Variants in DCHS2 observed in about 807,000 individuals in gnomAD.
DCHS2 encodes the protein protocadherin-23.
Under a neutral mutation model 182.4 loss-of-function variants are expected in DCHS2, and 142 were observed. That is an observed-to-expected ratio of 0.78 (90% CI 0.68 to 0.89). The LOEUF (loss-of-function observed/expected upper bound fraction) is 0.89, where lower values mean the gene tolerates loss of function less well. Among genes scored for constraint, DCHS2 ranks in the 40% least tolerant of loss-of-function variants. The pLI is 0.00. For missense variants in DCHS2, 4,319 were observed against 4,198.6 expected, an observed-to-expected ratio of 1.03 and a Z score of -0.79; for synonymous variants, 1,740 against 1,663.3, an observed-to-expected ratio of 1.05 and a Z score of -1.12.
intron 1 of DCHS2, among the ~76,000 whole-genome samples, chr4:154,427,712 G>T (rs1010936771): frequency 1.3e-5 from 2 of 152,206 alleles, no homozygotes; most frequent in African/African-American, 4.8e-5. Context: ...AGACAGAGGT[G>T]ATAGTGTCCT....
At chr4:154,237,632 TAGAG>T (rs1243355912) in intron 19 of DCHS2, 2 of 152,772 alleles carry the variant, frequency 1.3e-5, no homozygotes, top group African/African-American at 4.8e-5. Context: ...ATTGCTTAAT[TAGAG>T]AGATGGGCTT....
chr4:154,237,264 T>C, intron 19 of DCHS2, 105 bp from the exon 20 acceptor site: 1 of 1,385,994 alleles, frequency 7.2e-7, no homozygotes, highest in Non-Finnish European at 9.5e-7. Flanking sequence ...TTTAATTCTT[T>C]GTTAGATCTG....
intron 14 of DCHS2, among the ~76,000 whole-genome samples, chr4:154,268,525 C>T (rs980632152): frequency 6.6e-6 from 1 of 152,140 alleles, no homozygotes; most frequent in Non-Finnish European, 1.5e-5. Context: ...AAATTTAAAA[C>T]ATATGAATTG....
intron 9 of DCHS2, among the ~76,000 whole-genome samples, chr4:154,317,081 C>T (rs1016986345): frequency 6.6e-6 from 1 of 152,074 alleles, no homozygotes; most frequent in African/African-American, 2.4e-5. Flanking sequence ...CAGCCATAGC[C>T]ACAAAAAACT....
At chr4:154,323,899 C>G (rs1736179691) in intron 7 of DCHS2, among the ~76,000 whole-genome samples, 1 of 150,258 alleles carries the variant, frequency 6.7e-6, no homozygotes, top group South Asian at 2.1e-4. Context: ...AAAGCTGAAA[C>G]ACTTCTGGTC....
At chr4:154,357,223 A>C in intron 3 of DCHS2, 1 of 1,602,024 alleles carries the variant, frequency 6.2e-7, no homozygotes, top group South Asian at 1.1e-5. Context: ...CTCTACTTGA[A>C]GTGCCTTAGC....
chr4:154,247,019 C>A (rs1453741642), intron 16 of DCHS2, among the ~76,000 whole-genome samples: 11 of 152,002 alleles, frequency 7.2e-5, no homozygotes, highest in Admixed American at 7.2e-4. Flanking sequence ...TTCAATAATA[C>A]AAGAAAATTA....
At chr4:154,476,105 G>A (rs1389794540) in intron 1 of DCHS2, among the ~76,000 whole-genome samples, 1 of 152,104 alleles carries the variant, frequency 6.6e-6, no homozygotes, top group Non-Finnish European at 1.5e-5. Flanking sequence ...TTTCAAACTA[G>A]AGAACAGAAT....
intron 7 of DCHS2, 142 bp downstream of exon 7, chr4:154,327,947 TTTTG>T: frequency 2.2e-6 from 1 of 460,608 alleles, no homozygotes; most frequent in East Asian, 3.5e-5. Context: ...AGCAAATGTA[TTTTG>T]TTTGTAACTT....
At chr4:154,414,082 T>G (rs764117121) in intron 1 of DCHS2, among the ~76,000 whole-genome samples, 12 of 152,174 alleles carry the variant, frequency 7.9e-5, no homozygotes, top group Admixed American at 2.6e-4. Context: ...CAGGCCTTTT[T>G]TCTTATTCAC....
chr4:154,397,234 A>G (rs1373212174), intron 1 of DCHS2, among the ~76,000 whole-genome samples: 1 of 152,208 alleles, frequency 6.6e-6, no homozygotes, highest in Admixed American at 6.5e-5. Context: ...TTATCAGGCT[A>G]AACAGATTCT....
At chr4:154,390,149 T>C (rs1218676399) in intron 1 of DCHS2, among the ~76,000 whole-genome samples, 1 of 151,488 alleles carries the variant, frequency 6.6e-6, no homozygotes, top group Non-Finnish European at 1.5e-5. Context: ...AGTTTTAGGG[T>C]ACATGTGCAC....
intron 3 of DCHS2, among the ~76,000 whole-genome samples, chr4:154,338,300 AAGG>A (rs965678739): frequency 6.6e-6 from 1 of 152,232 alleles, no homozygotes; most frequent in African/African-American, 2.4e-5. Flanking sequence ...TACTATACAT[AAGG>A]AGAAGAGAGA....
At chr4:154,439,464 C>A (rs1733911411) in intron 1 of DCHS2, among the ~76,000 whole-genome samples, 1 of 152,158 alleles carries the variant, frequency 6.6e-6, no homozygotes, top group African/African-American at 2.4e-5. Flanking sequence ...TAATATTACA[C>A]TGAAGAACTG....
chr4:154,357,943 C>T (rs1729949370), intron 3 of DCHS2, among the ~76,000 whole-genome samples: 1 of 152,184 alleles, frequency 6.6e-6, no homozygotes, highest in African/African-American at 2.4e-5. Flanking sequence ...GAGAATCAGA[C>T]ATGAGCCTAC....
intron 1 of DCHS2, among the ~76,000 whole-genome samples, chr4:154,393,143 C>T (rs1731781057): frequency 6.6e-6 from 1 of 152,152 alleles, no homozygotes; most frequent in African/African-American, 2.4e-5. Flanking sequence ...ATGGATGTTA[C>T]AAGCATACAG....
chr4:154,333,303 CTG>C lies in DCHS2; in HGVS notation c.2903_2904del (p.Thr968SerfsTer6). On this transcript the variant is annotated frameshift_variant, in exon 5 of 20. Coordinates refer to ENST00000357232, the MANE Select transcript of DCHS2 (RefSeq NM_001358235.2). LOFTEE classifies it high-confidence loss of function. ...PACSSTEVNI[T>X]VMDVNDNHPA... is the part of the protein sequence containing the mutation. ...GGGTGGTTGTCATTGACATCCATGA[CTG>C]TTATGTTGACCTCGGTGCTGCTGCA... is the stretch of plus-strand genomic sequence containing the variant. 1 of 1,614,208 alleles carries C rather than the reference CTG, an allele frequency of 6.2e-7. No individual in the cohort carries two copies. The highest frequency in any genetic ancestry group is 8.5e-7 in the Non-Finnish European group (1 of 1,180,030).
intron 13 of DCHS2, among the ~76,000 whole-genome samples, chr4:154,294,336 C>G (rs547232697): frequency 7.9e-5 from 12 of 152,188 alleles, no homozygotes; most frequent in African/African-American, 2.6e-4. Flanking sequence ...GAGGGGTATC[C>G]TCAGGAATAT....
rs778198488 is a variant in DCHS2 at position 154,334,855 on chromosome 4, A to G, written c.2713+13T>C. The G allele has an allele frequency of 1.9e-6, 3 of 1,576,506 alleles. No individual in the cohort carries two copies. The highest frequency in any genetic ancestry group is 2.6e-6 in the Non-Finnish European group (3 of 1,145,884). On this transcript the variant is annotated intron_variant, in intron 4 of 19. Transcript: ENST00000357232. The stretch of plus-strand genomic sequence containing the variant: ...TAATGGAATTCCATGCAGCATAAGA[A>G]ATAAGTACTTACTCAAGGGCTCTCT...
Sources: allele counts gnomAD v4.1 joint callset (sites outside exome capture counted in the v4.1 genomes callset), GRCh38; gene constraint gnomAD v4.1.1; transcripts MANE v1.5; gene names NCBI Gene and HGNC (gene_info 2026-07-23, HGNC 2026-07-21).